CACNA1D: variants seen among roughly 807,000 people sequenced by gnomAD.
CACNA1D encodes the protein calcium voltage-gated channel subunit alpha1 D, also known as voltage-dependent L-type calcium channel subunit alpha-1D.
A neutral mutation model predicts 257.1 loss-of-function variants in CACNA1D; 55 were observed. The observed-to-expected ratio is 0.21, with a 90% CI of 0.17 to 0.27. The LOEUF (loss-of-function observed/expected upper bound fraction) is 0.27. CACNA1D is among the 10% of genes least tolerant of loss of function. CACNA1D has a pLI of 1.00. For missense variants in CACNA1D, 1,876 were observed against 2,784.0 expected (o/e 0.67, Z 7.34); for synonymous variants, 980 against 1,014.9 (o/e 0.97, Z 0.65).
At chr3:53,548,985 G>A (rs1054207007) in intron 3 of CACNA1D, among the ~76,000 whole-genome samples, 1 of 152,180 alleles carries the variant, frequency 6.6e-6, no homozygotes, top group Admixed American at 6.5e-5. Context: ...AATAATTGAT[G>A]TTGGGGGTGT....
chr3:53,498,963 A>G (rs1300199728), intron 2 of CACNA1D, among the ~76,000 whole-genome samples: 1 of 152,170 alleles, frequency 6.6e-6, no homozygotes, highest in Non-Finnish European at 1.5e-5. Context: ...GAGCTCGGTA[A>G]GCCAGCATGT....
At chr3:53,615,644 AC>A (rs2093629299) in intron 3 of CACNA1D, among the ~76,000 whole-genome samples, 1 of 152,190 alleles carries the variant, frequency 6.6e-6, no homozygotes, top group Non-Finnish European at 1.5e-5. Context: ...GAGAGGAGCC[AC>A]CCTCACTTTC....
chr3:53,582,202 CT>C, intron 3 of CACNA1D, among the ~76,000 whole-genome samples: 1 of 152,194 alleles, frequency 6.6e-6, no homozygotes, highest in Admixed American at 6.5e-5. Context: ...CTCACCCTCC[CT>C]TTTTGTGGTG....
Position 53,509,500 on chromosome 3 carries a change from T to C in CACNA1D, c.483+7780T>C, listed in dbSNP as rs376055585. Among the ~76,000 whole-genome samples, 3 of 152,330 alleles carry C rather than the reference T, an allele frequency of 2.0e-5. No individual in the cohort carries two copies. In the East Asian group the frequency reaches 5.8e-4, roughly 29 times the overall value. On this transcript the variant is annotated intron_variant, in intron 3 of 47. Transcript: ENST00000350061. ...GCAATTATTTTTGCTAATTTTTTCC[T>C]TCCTCCCTGTTAGGTGAGTGGTAGT...
chr3:53,676,287 A>G (rs2094376027), intron 8 of CACNA1D, among the ~76,000 whole-genome samples: 1 of 151,856 alleles, frequency 6.6e-6, no homozygotes, highest in African/African-American at 2.4e-5. Flanking sequence ...CGCCCTCCCA[A>G]CCACCACCTT....
chr3:53,691,919 A>G (rs1167179620), intron 8 of CACNA1D, among the ~76,000 whole-genome samples: 1 of 53,088 alleles, frequency 1.9e-5, no homozygotes, highest in Non-Finnish European at 3.8e-5. Flanking sequence ...TATATAATAT[A>G]TATTATATAT....
At chr3:53,568,932 C>T (rs1559854705) in intron 3 of CACNA1D, among the ~76,000 whole-genome samples, 3 of 152,196 alleles carry the variant, frequency 2.0e-5, no homozygotes. Context: ...AACTGGTCTT[C>T]CTGCTGTTAA....
chr3:53,624,887 A>G (rs1229923675), intron 3 of CACNA1D, among the ~76,000 whole-genome samples: 1 of 152,234 alleles, frequency 6.6e-6, no homozygotes, highest in Non-Finnish European at 1.5e-5. Flanking sequence ...TAAGAAATCC[A>G]AAGCATTCCA....
At chr3:53,516,533 C>T (rs1164621087) in intron 3 of CACNA1D, among the ~76,000 whole-genome samples, 1 of 152,238 alleles carries the variant, frequency 6.6e-6, no homozygotes. Flanking sequence ...AGTGGTGCTG[C>T]AGCAGAAAGG....
chr3:53,601,310 C>T lies in CACNA1D; in HGVS notation c.484-49469C>T, dbSNP rs1431193987. Reference sequence around the variant, plus strand: ...TTTTCAATGTGAAAATATGAAATTACATTCTCATACTAAATAGGCTCCTTT... The same window carrying T: ...TTTTCAATGTGAAAATATGAAATTATATTCTCATACTAAATAGGCTCCTTT... On this transcript the variant is annotated intron_variant, in intron 3 of 47. Coordinates refer to ENST00000350061, the MANE Select transcript of CACNA1D (RefSeq NM_001128840.3). 3.9e-5 allele frequency among the ~76,000 whole-genome samples: 6 copies of T among 152,178 alleles called. No homozygotes were observed. In the South Asian group the frequency reaches 1.2e-3, roughly 32 times the overall value.
chr3:53,711,120 C>T (rs1386605896), intron 9 of CACNA1D, among the ~76,000 whole-genome samples: 1 of 152,120 alleles, frequency 6.6e-6, no homozygotes, highest in Non-Finnish European at 1.5e-5. Context: ...GTGGTGCATG[C>T]CTATAGTCCC....
intron 3 of CACNA1D, among the ~76,000 whole-genome samples, chr3:53,604,786 A>G (rs1266923347): frequency 1.3e-5 from 2 of 152,232 alleles, no homozygotes; most frequent in African/African-American, 2.4e-5. Context: ...ACCCTCTACC[A>G]GGGGTAAAGC....
At chr3:53,680,194 C>T (rs1042169926) in intron 8 of CACNA1D, among the ~76,000 whole-genome samples, 8 of 152,130 alleles carry the variant, frequency 5.3e-5, no homozygotes, top group African/African-American at 1.4e-4. Context: ...TCAGTGGAAA[C>T]GAGGTAAGTG....
intron 8 of CACNA1D, among the ~76,000 whole-genome samples, chr3:53,687,988 C>A (rs1041961157): frequency 2.0e-5 from 3 of 152,140 alleles, no homozygotes; most frequent in Admixed American, 2.0e-4. Context: ...TTTATAGAAA[C>A]ATAAAATGAT....
rs748133165 is a variant in CACNA1D at position 53,732,972 on chromosome 3, C to G, written c.2621+10C>G. 1 of 1,613,794 alleles carries G rather than the reference C, an allele frequency of 6.2e-7. No homozygotes were observed. The highest frequency in any genetic ancestry group is 8.5e-7 in the Non-Finnish European group (1 of 1,179,770). ...TTAGCAAGACCAACCCGTAAATACT[C>G]CCCTTCTAGTCTCTCACGGCTGCCT... On this transcript the variant is annotated intron_variant, in intron 19 of 47. Coordinates refer to ENST00000350061, the MANE Select transcript of CACNA1D (RefSeq NM_001128840.3).
At chr3:53,773,260 G>A (rs1017090030) in intron 33 of CACNA1D, 4 of 327,310 alleles carry the variant, frequency 1.2e-5, no homozygotes, top group East Asian at 7.4e-5. Context: ...GAGCCGTCGC[G>A]GGAACAGAAG....
intron 15 of CACNA1D, among the ~76,000 whole-genome samples, chr3:53,729,620 A>C (rs1315278489): frequency 1.3e-5 from 2 of 152,264 alleles, no homozygotes; most frequent in Non-Finnish European, 2.9e-5. Flanking sequence ...TTAAAAACAA[A>C]AACATTCAAG....
rs1022635411 is a variant in CACNA1D, at chr3:53,526,635, C to T, written c.483+24915C>T. Among the ~76,000 whole-genome samples the T allele has an allele frequency of 5.3e-5, 8 of 152,166 alleles. No individual in the cohort carries two copies. The East Asian group carries it at 5.8e-4, about 11-fold the overall frequency. ...CAATGGCACGCCCTCCAATTGGCTA[C>T]GTTACACAGATAAACATTCTTAATC... On this transcript the variant is annotated intron_variant, in intron 3 of 47. Coordinates refer to ENST00000350061, the MANE Select transcript of CACNA1D (RefSeq NM_001128840.3).
chr3:53,729,137 A>C (rs1397033962), intron 15 of CACNA1D, among the ~76,000 whole-genome samples: 1 of 152,206 alleles, frequency 6.6e-6, no homozygotes, highest in Non-Finnish European at 1.5e-5. Flanking sequence ...AGGAATGCTC[A>C]TGTTACCAAG....
Sources: gnomAD v4.1 joint callset for allele counts (sites outside exome capture counted in the v4.1 genomes callset) on GRCh38, gnomAD v4.1.1 for gene constraint, MANE v1.5 for transcripts, NCBI Gene and HGNC (gene_info 2026-07-23, HGNC 2026-07-21) for gene names.